The following MCTP1 variants were observed in gnomAD, a reference collection of about 807,000 sequenced individuals.
MCTP1 encodes multiple C2 and transmembrane domain-containing protein 1.
Under a neutral mutation model 120.6 loss-of-function variants are expected in MCTP1, and 69 were observed. The ratio of observed to expected loss-of-function variants is 0.57; its 90% CI spans 0.47 to 0.70. The LOEUF (loss-of-function observed/expected upper bound fraction) is 0.70. MCTP1 is among the 30% of genes least tolerant of loss of function. The pLI is 0.00. For synonymous variants in MCTP1, 529 were observed against 493.1 expected, an observed-to-expected ratio of 1.07 and a Z score of -0.96; for missense variants, 1,203 against 1,248.8, an observed-to-expected ratio of 0.96 and a Z score of 0.55.
intron 5 of MCTP1, among the ~76,000 whole-genome samples, chr5:94,935,319 T>A (rs930768220): frequency 6.6e-6 from 1 of 152,014 alleles, no homozygotes; most frequent in Admixed American, 6.6e-5. Flanking sequence ...TACTGATTTC[T>A]AGAACTGGCA....
chr5:95,110,172 T>C (rs1757352483), intron 1 of MCTP1, among the ~76,000 whole-genome samples: 1 of 152,138 alleles, frequency 6.6e-6, no homozygotes, highest in African/African-American at 2.4e-5. Flanking sequence ...AGAAACAGCT[T>C]ACTCTCTAAC....
At chr5:94,979,710 T>C (rs1828974983) in intron 2 of MCTP1, 1 of 151,978 alleles carries the variant, frequency 6.6e-6, no homozygotes, top group Non-Finnish European at 1.5e-5. Flanking sequence ...AGGGAGATAG[T>C]AACACTAGAT....
intron 1 of MCTP1, among the ~76,000 whole-genome samples, chr5:95,066,421 A>G (rs1582120228): frequency 6.6e-6 from 1 of 152,230 alleles, no homozygotes; most frequent in Non-Finnish European, 1.5e-5. Flanking sequence ...TAGCACAGCC[A>G]TTAGAGAAAA....
chr5:94,749,654 C>CAA (rs57404381), intron 19 of MCTP1, among the ~76,000 whole-genome samples: 1,048 of 50,976 alleles, frequency 0.021, 20 homozygotes, highest in Non-Finnish European at 0.022. Flanking sequence ...GACTTCATCT[C>CAA]AAAAAAAAAA....
intron 1 of MCTP1, among the ~76,000 whole-genome samples, chr5:95,146,334 A>C (rs1219486731): frequency 6.6e-6 from 1 of 152,172 alleles, no homozygotes; most frequent in African/African-American, 2.4e-5. Context: ...TCCAAGAACT[A>C]ACTCTTGCTT....
intron 1 of MCTP1, chr5:95,154,109 G>T (rs1195659897): frequency 6.6e-6 from 1 of 152,196 alleles, no homozygotes. Context: ...AAGCCTTTGA[G>T]TTGGTGGTGG....
At chr5:94,842,647 A>T (rs1489431154) in intron 17 of MCTP1, among the ~76,000 whole-genome samples, 1 of 152,194 alleles carries the variant, frequency 6.6e-6, no homozygotes, top group Non-Finnish European at 1.5e-5. Flanking sequence ...ACTATTTTAG[A>T]ATGTTCTTCC....
chr5:95,073,143 T>C (rs907696768), intron 1 of MCTP1, among the ~76,000 whole-genome samples: 2 of 152,158 alleles, frequency 1.3e-5, no homozygotes, highest in African/African-American at 4.8e-5. Flanking sequence ...AGGCCTTCTT[T>C]CAGCAGCCCA....
At chr5:94,955,996 C>T (rs1477388434) in intron 2 of MCTP1, among the ~76,000 whole-genome samples, 11 of 152,240 alleles carry the variant, frequency 7.2e-5, no homozygotes, top group African/African-American at 2.7e-4. Flanking sequence ...CAGGGGTCGA[C>T]AGACACCTCA....
chr5:95,235,526 T>C (rs1468144372), intron 1 of MCTP1, among the ~76,000 whole-genome samples: 1 of 152,010 alleles, frequency 6.6e-6, no homozygotes, highest in Non-Finnish European at 1.5e-5. Context: ...AACACTTTCT[T>C]TCTTTCTTTC....
At chr5:95,013,880 T>C (rs541255098) in intron 2 of MCTP1, among the ~76,000 whole-genome samples, 58 of 152,238 alleles carry the variant, frequency 3.8e-4, no homozygotes, top group South Asian at 1.9e-3. Context: ...TGTAAGGCTA[T>C]AGCTGCTATA....
chr5:94,740,274 T>C (rs2152746183), intron 19 of MCTP1, among the ~76,000 whole-genome samples: 1 of 152,348 alleles, frequency 6.6e-6, no homozygotes. Context: ...CTTACATGCC[T>C]TCAGTTATCT....
chr5:94,942,228 C>T, intron 4 of MCTP1, 120 bp downstream of exon 4: 1 of 652,946 alleles, frequency 1.5e-6, no homozygotes, highest in Non-Finnish European at 2.6e-6. Flanking sequence ...GAAAGGCTGA[C>T]TAGCAGGAAG....
chr5:94,761,627 A>C (rs1302881006), intron 19 of MCTP1, among the ~76,000 whole-genome samples: 2 of 152,234 alleles, frequency 1.3e-5, no homozygotes, highest in Non-Finnish European at 2.9e-5. Flanking sequence ...TCTTAATGCT[A>C]CATGACATCT....
At chr5:94,953,830 C>CATATATAT (rs527767764) in intron 2 of MCTP1, among the ~76,000 whole-genome samples, 1 of 40,832 alleles carries the variant, frequency 2.4e-5, no homozygotes, top group African/African-American at 2.0e-4. Flanking sequence ...TATATATATA[C>CATATATAT]ATATATATAT....
At chr5:95,247,763 T>C (rs181201996) in intron 1 of MCTP1, among the ~76,000 whole-genome samples, 70 of 152,328 alleles carry the variant, frequency 4.6e-4, no homozygotes, top group African/African-American at 1.6e-3. Flanking sequence ...AGACAGTTTG[T>C]TGTGATTTCT....
chr5:94,746,867 G>A (rs1440797928), intron 19 of MCTP1, among the ~76,000 whole-genome samples: 1 of 152,106 alleles, frequency 6.6e-6, no homozygotes, highest in African/African-American at 2.4e-5. Flanking sequence ...CACAACTCTT[G>A]CGTCAGTATA....
At chr5:95,011,011 T>G (rs753035974) in intron 2 of MCTP1, among the ~76,000 whole-genome samples, 14 of 152,134 alleles carry the variant, frequency 9.2e-5, no homozygotes, top group Non-Finnish European at 1.6e-4. Flanking sequence ...AGAAATGACG[T>G]GCTGTTTTCA....
chr5:94,753,328 G>A (rs1768941613), intron 19 of MCTP1, among the ~76,000 whole-genome samples: 1 of 152,174 alleles, frequency 6.6e-6, no homozygotes, highest in Non-Finnish European at 1.5e-5. Flanking sequence ...TAGTCATGCA[G>A]TTTGCACAAA....
Sources: gnomAD v4.1 joint callset for allele counts (sites outside exome capture counted in the v4.1 genomes callset) on GRCh38, gnomAD v4.1.1 for gene constraint, MANE v1.5 for transcripts, NCBI Gene and HGNC (gene_info 2026-07-23, HGNC 2026-07-21) for gene names.